Variants in GRIA4 observed in about 807,000 individuals in gnomAD.
The protein encoded by GRIA4 is glutamate receptor 4.
A neutral mutation model predicts 104.0 loss-of-function variants in GRIA4; 34 were observed. The observed-to-expected ratio is 0.33, with a 90% CI of 0.25 to 0.44. The LOEUF (loss-of-function observed/expected upper bound fraction) is 0.44, where lower values mean the gene tolerates loss of function less well. Among genes scored for constraint, GRIA4 ranks in the 20% least tolerant of loss-of-function variants. GRIA4 has a pLI of 1.00. For synonymous variants in GRIA4, 386 were observed against 381.9 expected (o/e 1.01, Z -0.13); for missense variants, 750 against 1,096.5 (o/e 0.68, Z 4.46).
At chr11:105,894,727 CAGA>C (rs956443500) in intron 6 of GRIA4, among the ~76,000 whole-genome samples, 2 of 151,784 alleles carry the variant, frequency 1.3e-5, no homozygotes, top group African/African-American at 4.8e-5. Context: ...AAGGTGCATT[CAGA>C]AGGACAAGCA....
At chr11:105,765,710 C>A (rs1418445143) in intron 4 of GRIA4, among the ~76,000 whole-genome samples, 1 of 152,160 alleles carries the variant, frequency 6.6e-6, no homozygotes. Context: ...TTTATTGAAA[C>A]AGAGCCATGC....
intron 10 of GRIA4, among the ~76,000 whole-genome samples, chr11:105,915,239 C>T (rs1947365724): frequency 6.6e-6 from 1 of 152,166 alleles, no homozygotes; most frequent in Admixed American, 6.5e-5. Context: ...CATCACTCAT[C>T]TTGAATCTCA....
At chr11:105,917,044 T>A (rs1388309163) in intron 10 of GRIA4, among the ~76,000 whole-genome samples, 1 of 152,184 alleles carries the variant, frequency 6.6e-6, no homozygotes, top group Non-Finnish European at 1.5e-5. Context: ...TTTGCAACAA[T>A]TCACCAATTT....
intron 3 of GRIA4, among the ~76,000 whole-genome samples, chr11:105,674,438 T>A (rs1320447825): frequency 6.6e-6 from 1 of 151,638 alleles, no homozygotes; most frequent in African/African-American, 2.4e-5. Context: ...TCAGGATGAT[T>A]TTTGTATTGG....
intron 4 of GRIA4, among the ~76,000 whole-genome samples, chr11:105,781,083 A>G (rs1340049316): frequency 6.6e-6 from 1 of 152,212 alleles, no homozygotes; most frequent in Non-Finnish European, 1.5e-5. Flanking sequence ...ATTAGTTTCA[A>G]AACTGATCCT....
chr11:105,969,222 A>C (rs1402929073), intron 14 of GRIA4, among the ~76,000 whole-genome samples: 5 of 152,202 alleles, frequency 3.3e-5, no homozygotes, highest in African/African-American at 1.2e-4. Flanking sequence ...TATCACAGCC[A>C]TGACAACCAA....
intron 4 of GRIA4, among the ~76,000 whole-genome samples, chr11:105,777,921 C>A (rs1941523849): frequency 6.6e-6 from 1 of 152,190 alleles, no homozygotes; most frequent in Non-Finnish European, 1.5e-5. Context: ...AGATCGAGAA[C>A]TGAATGAAGA....
rs921460692 is a variant in GRIA4 at position 105,709,998 on chromosome 11, G to A, written c.248-42983G>A. On this transcript the variant is annotated intron_variant, in intron 3 of 16. Transcript: ENST00000282499. ...AAATTGGAGGAGACAAAGTTTTAGG[G>A]ATAATTATCCACTAATTTAAGATTC... Among the ~76,000 whole-genome samples the A allele has an allele frequency of 5.9e-5, 9 of 152,202 alleles. No homozygotes were observed. The East Asian group carries it at 1.7e-3, about 29-fold the overall frequency.
intron 3 of GRIA4, among the ~76,000 whole-genome samples, chr11:105,615,604 G>A (rs187617200): frequency 1.0e-3 from 159 of 151,886 alleles, no homozygotes; most frequent in Middle Eastern, 3.4e-3. Context: ...TATGAAGTAT[G>A]ACGGAATGGA....
chr11:105,689,249 G>A (rs1035436407), intron 3 of GRIA4, among the ~76,000 whole-genome samples: 1 of 152,174 alleles, frequency 6.6e-6, no homozygotes, highest in African/African-American at 2.4e-5. Flanking sequence ...AAAAGGGAAA[G>A]TGTATTAGAG....
At chr11:105,954,135 T>C (rs1283691479) in intron 14 of GRIA4, among the ~76,000 whole-genome samples, 2 of 152,200 alleles carry the variant, frequency 1.3e-5, no homozygotes, top group African/African-American at 4.8e-5. Context: ...CTGCCTGACC[T>C]GTTCCCATCA....
chr11:105,864,752 C>T (rs1032061861), intron 5 of GRIA4, among the ~76,000 whole-genome samples: 2 of 152,132 alleles, frequency 1.3e-5, no homozygotes. Context: ...TGCCTGTAAT[C>T]CCAGCTACTC....
chr11:105,664,319 T>G lies in GRIA4; in HGVS notation c.247+51885T>G, dbSNP rs1045739553. On this transcript the variant is annotated intron_variant, in intron 3 of 16. Transcript: ENST00000282499. ...CCTAGGATCAAATGAACTTGCCGAG[T>G]TTGAGAACAGAAAGAAAACCAATGT... 1.5e-4 allele frequency among the ~76,000 whole-genome samples: 22 copies of G among 148,682 alleles called. 2 individuals carry two copies. Among genetic ancestry groups the G allele is most frequent in the Admixed American group, 1.2e-3 (17 of 14,630 alleles).
chr11:105,691,086 C>A (rs372261629), intron 3 of GRIA4, among the ~76,000 whole-genome samples: 1 of 151,908 alleles, frequency 6.6e-6, no homozygotes, highest in African/African-American at 2.4e-5. Context: ...GGCTTGTGTG[C>A]GTGCAAACAT....
chr11:105,660,360 A>G (rs1189169494), intron 3 of GRIA4, among the ~76,000 whole-genome samples: 1 of 151,722 alleles, frequency 6.6e-6, no homozygotes, highest in African/African-American at 2.4e-5. Context: ...AAAGTATTGA[A>G]TGTCCAATAT....
intron 3 of GRIA4, chr11:105,707,639 T>C (rs1277607028): frequency 6.6e-6 from 1 of 152,188 alleles, no homozygotes; most frequent in East Asian, 1.9e-4. Context: ...AAAAGAACAC[T>C]CTGAATTCTT....
intron 5 of GRIA4, among the ~76,000 whole-genome samples, chr11:105,873,162 A>AG (rs1410038692): frequency 6.6e-6 from 1 of 152,080 alleles, no homozygotes; most frequent in Non-Finnish European, 1.5e-5. Context: ...CTTATGAGGG[A>AG]GAACATGCAG....
In GRIA4 at chr11:105,871,577, G is replaced by A. The variant is rs990198787; in HGVS notation, c.672+9369G>A. On this transcript the variant is annotated intron_variant, in intron 5 of 16. Coordinates refer to ENST00000282499, the MANE Select transcript of GRIA4 (RefSeq NM_000829.4). ...ATGTCTAACTGATTTATAAAGACAG[G>A]GTATCTACTTACATCTGTGTCTTTA... 2.0e-5 allele frequency among the ~76,000 whole-genome samples: 3 copies of A among 151,118 alleles called. No individual in the cohort carries two copies. In the South Asian group the frequency reaches 6.3e-4, roughly 32 times the overall value.
intron 4 of GRIA4, among the ~76,000 whole-genome samples, chr11:105,789,920 A>G (rs2135799977): frequency 6.6e-6 from 1 of 152,276 alleles, no homozygotes; most frequent in African/African-American, 2.4e-5. Context: ...CAATTTGAAG[A>G]ATAGGCTGCT....
Sources: allele counts gnomAD v4.1 joint callset (sites outside exome capture counted in the v4.1 genomes callset), GRCh38; gene constraint gnomAD v4.1.1; transcripts MANE v1.5; gene names NCBI Gene and HGNC (gene_info 2026-07-23, HGNC 2026-07-21).